Variants in CARS1 observed in about 807,000 individuals in gnomAD.
CARS1 encodes the protein cysteinyl-tRNA synthetase 1, also known as cysteine--tRNA ligase, cytoplasmic.
CARS1 carries 48 observed loss-of-function variants against 106.2 expected under a neutral mutation model. The ratio of observed to expected loss-of-function variants is 0.45; its 90% CI spans 0.36 to 0.57. The LOEUF (loss-of-function observed/expected upper bound fraction) is 0.57, where lower values mean the gene tolerates loss of function less well. Among genes scored for constraint, CARS1 ranks in the 20% least tolerant of loss-of-function variants. CARS1 has a pLI of 0.00. For synonymous variants in CARS1, 409 were observed against 403.4 expected, an observed-to-expected ratio of 1.01 and a Z score of -0.17; for missense variants, 968 against 1,057.2, an observed-to-expected ratio of 0.92 and a Z score of 1.17.
At chr11:3,013,264 T>C (rs1850675856) in intron 17 of CARS1, among the ~76,000 whole-genome samples, 1 of 152,106 alleles carries the variant, frequency 6.6e-6, no homozygotes, top group Admixed American at 6.5e-5. Context: ...GCGATTCTCC[T>C]GCCTCAGCCT....
chr11:3,042,494 G>C (rs901488861), intron 2 of CARS1, among the ~76,000 whole-genome samples: 10 of 151,174 alleles, frequency 6.6e-5, no homozygotes, highest in Non-Finnish European at 8.9e-5. Flanking sequence ...GTGTGATCTC[G>C]GCTCACTGCA....
rs1201664041 is a variant in CARS1, at chr11:3,046,341, G to A, written c.274+1412C>T. Among the ~76,000 whole-genome samples the A allele has an allele frequency of 6.6e-6, 1 of 152,134 alleles. No homozygotes were observed. Among genetic ancestry groups the A allele is most frequent in the Non-Finnish European group, 1.5e-5 (1 of 68,030 alleles). On this transcript the variant is annotated intron_variant, in intron 2 of 22. Transcript: ENST00000380525. The surrounding 1 kb of genome is among the most constrained non-coding windows in gnomAD (Gnocchi z 5.8). The stretch of plus-strand genomic sequence containing the variant: ...ACCCTCCCTAATCCTGCCCCCCTCT[G>A]GCTGTGTCTTGGAATGGCACATGGC...
In CARS1 at chr11:3,022,510, C is replaced by T. The variant is rs78183290; in HGVS notation, c.1154-2178G>A. Among the ~76,000 whole-genome samples, 968 of 152,296 alleles carry T rather than the reference C, an allele frequency of 6.4e-3. 10 individuals are homozygous for T. Among genetic ancestry groups the T allele is most frequent in the African/African-American group, 0.022 (915 of 41,556 alleles). ...TACTACGCTTCTTCTACGGCAACCC[C>T]TGGTATCCCGGTATACTGACTCGCT... is the stretch of plus-strand genomic sequence containing the variant. On this transcript the variant is annotated intron_variant, in intron 10 of 22. Coordinates refer to ENST00000380525, the MANE Select transcript of CARS1 (RefSeq NM_001014437.3). This position sits in a 1 kb window ranked among gnomAD's most constrained non-coding sequence, Gnocchi z 4.9.
chr11:3,005,514 C>T, intron 19 of CARS1, 81 bp from the exon 20 acceptor site: 1 of 1,060,860 alleles, frequency 9.4e-7, no homozygotes, highest in Non-Finnish European at 1.4e-6. Context: ...CCTGCCCTGC[C>T]CTGCCCAGAC....
At position 3,019,263 on chromosome 11, in the gene CARS1, C is replaced by T. The variant is rs777861752; in HGVS notation, c.1271G>A (p.Arg424His). ...PSWPCPWGKG[R>H]PGWHIECSAM... ...CGAGCACTCGATATGCCAGCCCGGACGACCCTGGAGAAAGCCGAACACACA... is the reference window on the plus strand; with the variant it reads ...CGAGCACTCGATATGCCAGCCCGGATGACCCTGGAGAAAGCCGAACACACA... The change falls in exon 12 of 23, where the codon CGT (arginine) becomes CAT (histidine). Residue 424 changes from arginine to histidine, a missense_variant. By Grantham distance (29) the Arg-to-His change is conservative. Coordinates refer to ENST00000380525, the MANE Select transcript of CARS1 (RefSeq NM_001014437.3). This position sits in a 1 kb window ranked among gnomAD's most constrained non-coding sequence, Gnocchi z 6.2. 26 of 1,432,650 alleles carry T rather than the reference C, an allele frequency of 1.8e-5. No individual in the cohort carries two copies. The highest frequency in any genetic ancestry group is 1.5e-5 in the African/African-American group (1 of 68,666). 88.7% of individuals were successfully genotyped at this position (1,432,650 alleles called of 1,614,324 possible).
At chr11:3,032,538 G>A (rs1432126977) in intron 7 of CARS1, among the ~76,000 whole-genome samples, 1 of 152,188 alleles carries the variant, frequency 6.6e-6, no homozygotes, top group Non-Finnish European at 1.5e-5. Context: ...GCTGATGCCT[G>A]CTAGAGAACT....
intron 17 of CARS1, among the ~76,000 whole-genome samples, chr11:3,015,105 G>A (rs145279517): frequency 2.2e-3 from 340 of 152,356 alleles, no homozygotes; most frequent in Middle Eastern, 6.8e-3. Context: ...AGGACTGACA[G>A]TGTGTGTCTG....
At chr11:3,032,981 G>A (rs965508235) in intron 7 of CARS1, among the ~76,000 whole-genome samples, 3 of 151,792 alleles carry the variant, frequency 2.0e-5, no homozygotes, top group Non-Finnish European at 4.4e-5. Flanking sequence ...GGGAGGTGAC[G>A]GTGAGGTGGG....
In CARS1 at chr11:3,029,063, T is replaced by G; in HGVS notation, c.964A>C (p.Thr322Pro). ...ALNVLPPDVL[T>P]RVSEYVPEIV... ...TCTGGCACATACTCACTAACCCGGG[T>G]TAAGACATCTGGAGGGAGAACCTGT... Residue 322 changes from threonine (T) to proline (P), a missense_variant, in exon 9 of 23, where the codon ACC (threonine) becomes CCC (proline). By Grantham distance (38) the Thr-to-Pro change is conservative (BLOSUM62 -1). Coordinates refer to ENST00000380525, the MANE Select transcript of CARS1 (RefSeq NM_001014437.3). The surrounding 1 kb of genome is among the most constrained non-coding windows in gnomAD (Gnocchi z 5.9). 1 of 1,611,726 alleles carries G rather than the reference T, an allele frequency of 6.2e-7. No individual in the cohort carries two copies. The highest frequency in any genetic ancestry group is 8.5e-7 in the Non-Finnish European group (1 of 1,177,906).
chr11:3,025,463 G>C (rs927932232), intron 10 of CARS1, among the ~76,000 whole-genome samples: 50 of 152,166 alleles, frequency 3.3e-4, no homozygotes, highest in African/African-American at 1.0e-3. Context: ...CCCAACCTCA[G>C]GTGATCCACC....
intron 17 of CARS1, among the ~76,000 whole-genome samples, chr11:3,013,265 G>A (rs1395690002): frequency 6.6e-6 from 1 of 151,854 alleles, no homozygotes; most frequent in Non-Finnish European, 1.5e-5. Flanking sequence ...CGATTCTCCT[G>A]CCTCAGCCTC....
At position 3,021,457 on chromosome 11, in the gene CARS1, A is replaced by T. The variant is rs896117069; in HGVS notation, c.1154-1125T>A. ...GTGACCCTGAAGAAGCTGCAGTGAG[A>T]TCTTTCCAGGTGACAAATCCACTTT... On this transcript the variant is annotated intron_variant, in intron 10 of 22. Coordinates refer to ENST00000380525, the MANE Select transcript of CARS1 (RefSeq NM_001014437.3). The surrounding 1 kb of genome is among the most constrained non-coding windows in gnomAD (Gnocchi z 5.3). 2.0e-5 allele frequency among the ~76,000 whole-genome samples: 3 copies of T among 152,318 alleles called. No homozygotes were observed. Among genetic ancestry groups the T allele is most frequent in the Admixed American group, 2.0e-4 (3 of 15,298 alleles).
At chr11:3,033,154 G>C (rs1159503085) in intron 7 of CARS1, among the ~76,000 whole-genome samples, 1 of 151,930 alleles carries the variant, frequency 6.6e-6, no homozygotes, top group Non-Finnish European at 1.5e-5. Flanking sequence ...TTAAGAAACT[G>C]TATGAATAGG....
intron 17 of CARS1, among the ~76,000 whole-genome samples, chr11:3,012,847 T>C (rs1375635095): frequency 6.7e-6 from 1 of 150,130 alleles, no homozygotes; most frequent in Non-Finnish European, 1.5e-5. Context: ...ACTGGGGAGG[T>C]GGCCACAGGA....
intron 18 of CARS1, among the ~76,000 whole-genome samples, chr11:3,010,372 C>T (rs1390896910): frequency 6.6e-6 from 1 of 152,264 alleles, no homozygotes; most frequent in East Asian, 1.9e-4. Flanking sequence ...CAGGAATGGT[C>T]TTCCCAAGCC....
Position 3,041,590 on chromosome 11 carries a change from GA to G in CARS1, c.366+574del, listed in dbSNP as rs1173805225. 3.3e-5 allele frequency among the ~76,000 whole-genome samples: 5 copies of G among 152,048 alleles called. No individual in the cohort carries two copies. The highest frequency in any genetic ancestry group is 1.2e-4 in the African/African-American group (5 of 41,404). ...GAAGGCCATGAACTCCCTCACACCT[GA>G]CTCTCTGTCTGCCAAACATGCTCCC... is the stretch of plus-strand genomic sequence containing the variant. On this transcript the variant is annotated intron_variant, in intron 3 of 22. Coordinates refer to ENST00000380525, the MANE Select transcript of CARS1 (RefSeq NM_001014437.3). This position sits in a 1 kb window ranked among gnomAD's most constrained non-coding sequence, Gnocchi z 4.9.
chr11:3,006,793 A>T, intron 19 of CARS1, 86 bp downstream of exon 19: 1 of 1,048,156 alleles, frequency 9.5e-7, no homozygotes, highest in Non-Finnish European at 1.5e-6. Flanking sequence ...ATGAAGCATG[A>T]GCCTCAGCCC....
rs1477862884 is a variant in CARS1, at chr11:3,020,247, T to C, written c.1239A>G (p.Glu413=). The change falls in exon 11 of 23, where the codon GAA becomes GAG. Residue 413 remains glutamate, a synonymous_variant. Coordinates refer to ENST00000380525, the MANE Select transcript of CARS1 (RefSeq NM_001014437.3). This position sits in a 1 kb window ranked among gnomAD's most constrained non-coding sequence, Gnocchi z 4.6. The stretch of plus-strand genomic sequence containing the variant: ...TTCCCCAAGGGCACGGCCAGGACGG[T>C]TCTCCGGGCTTAGAGGCCTTCCATA... ...FALWKASKPG[E]PSWPCPWGKG... 1 of 1,612,276 alleles carries C rather than the reference T, an allele frequency of 6.2e-7. No individual in the cohort carries two copies. The highest frequency in any genetic ancestry group is 1.7e-5 in the Admixed American group (1 of 60,030).
intron 7 of CARS1, among the ~76,000 whole-genome samples, chr11:3,036,744 T>C (rs905233119): frequency 2.0e-5 from 3 of 152,170 alleles, no homozygotes; most frequent in African/African-American, 7.2e-5. Flanking sequence ...GCAGCATTAC[T>C]TGCATCTCCA....
Sources: gnomAD v4.1 joint callset for allele counts (sites outside exome capture counted in the v4.1 genomes callset) on GRCh38, gnomAD v4.1.1 for gene constraint, Gnocchi (gnomAD v3.1) non-coding constraint, MANE v1.5 for transcripts, NCBI Gene and HGNC (gene_info 2026-07-23, HGNC 2026-07-21) for gene names.